The following PIK3CB variants were observed in gnomAD, a reference collection of about 807,000 sequenced individuals.
PIK3CB encodes phosphatidylinositol 4,5-bisphosphate 3-kinase catalytic subunit beta isoform.
Under a neutral mutation model 136.8 loss-of-function variants are expected in PIK3CB, and 39 were observed. The observed-to-expected ratio is 0.29, with a 90% CI of 0.22 to 0.37. PIK3CB has a LOEUF of 0.37. Among genes scored for constraint, PIK3CB ranks in the 10% least tolerant of loss-of-function variants. The pLI, the probability that PIK3CB is intolerant of heterozygous loss-of-function variation, is 1.00. For synonymous variants in PIK3CB, 428 were observed against 436.6 expected (o/e 0.98, Z 0.25); for missense variants, 868 against 1,275.4 (o/e 0.68, Z 4.87).
At chr3:138,703,750 T>G (rs1046969804) in intron 12 of PIK3CB, among the ~76,000 whole-genome samples, 4 of 152,168 alleles carry the variant, frequency 2.6e-5, no homozygotes, top group African/African-American at 9.7e-5. Context: ...TGACCCTCAA[T>G]ATCCATTCTC....
intron 1 of PIK3CB, among the ~76,000 whole-genome samples, chr3:138,834,394 G>C (rs917370343): frequency 2.6e-5 from 4 of 152,230 alleles, no homozygotes; most frequent in African/African-American, 4.8e-5. Context: ...CCTCAGGAAC[G>C]GGACCCAAAG....
chr3:138,678,061 C>A (rs1264318006), intron 19 of PIK3CB, among the ~76,000 whole-genome samples: 1 of 151,910 alleles, frequency 6.6e-6, no homozygotes, highest in Non-Finnish European at 1.5e-5. Flanking sequence ...TCGCTTGAGG[C>A]CAGGAGTTTG....
At chr3:138,721,200 T>C (rs1376672101) in intron 8 of PIK3CB, among the ~76,000 whole-genome samples, 1 of 152,124 alleles carries the variant, frequency 6.6e-6, no homozygotes, top group Non-Finnish European at 1.5e-5. Context: ...TTTGCTCTCA[T>C]TGCCCACGCT....
intron 2 of PIK3CB, among the ~76,000 whole-genome samples, chr3:138,794,027 ATC>A: frequency 6.6e-6 from 1 of 152,230 alleles, no homozygotes; most frequent in Non-Finnish European, 1.5e-5. Context: ...CAATGCCGCG[ATC>A]TCAGCTTACT....
intron 1 of PIK3CB, among the ~76,000 whole-genome samples, chr3:138,824,583 G>A (rs78430630): frequency 0.028 from 4,199 of 151,956 alleles, 201 homozygotes; most frequent in African/African-American, 0.097. Flanking sequence ...CCCACCTGAC[G>A]CTGGAGTTTG....
At chr3:138,716,834 C>T (rs1051548254) in intron 8 of PIK3CB, among the ~76,000 whole-genome samples, 1 of 121,266 alleles carries the variant, frequency 8.2e-6, no homozygotes, top group Non-Finnish European at 1.6e-5. Context: ...AGGCGGGTTG[C>T]AGTGAGCCAA....
intron 1 of PIK3CB, among the ~76,000 whole-genome samples, chr3:138,813,178 C>T (rs372070562): frequency 4.6e-5 from 7 of 152,002 alleles, no homozygotes; most frequent in East Asian, 3.9e-4. Context: ...TTAGGAGGGG[C>T]TACAATTCTA....
chr3:138,823,400 C>T (rs576262121), intron 1 of PIK3CB, among the ~76,000 whole-genome samples: 1 of 151,276 alleles, frequency 6.6e-6, no homozygotes, highest in East Asian at 1.9e-4. Flanking sequence ...AGTAGACTGG[C>T]TACAGAAAAA....
chr3:138,831,281 A>AAAATAAAATAAAATT (rs763253552), intron 1 of PIK3CB, among the ~76,000 whole-genome samples: 1,966 of 148,302 alleles, frequency 0.013, 17 homozygotes, highest in Middle Eastern at 0.028. Context: ...AAAATAAAAT[A>AAAATAAAATAAAATT]AAATTAAATT....
chr3:138,776,698 AAAACAAACAAAC>A (rs373365770), intron 2 of PIK3CB, among the ~76,000 whole-genome samples: 1 of 151,570 alleles, frequency 6.6e-6, no homozygotes, highest in Admixed American at 6.6e-5. Context: ...CCTGTCTCAA[AAAACAAACAAAC>A]AAACAAACAA....
At chr3:138,680,940 G>A (rs778623051) in intron 19 of PIK3CB, among the ~76,000 whole-genome samples, 15 of 151,910 alleles carry the variant, frequency 9.9e-5, no homozygotes, top group East Asian at 3.9e-4. Context: ...CACCTGCCTC[G>A]GCCTCCCAAA....
At chr3:138,659,861 CTCT>C (rs1359180021) in intron 21 of PIK3CB, among the ~76,000 whole-genome samples, 2 of 136,278 alleles carry the variant, frequency 1.5e-5, no homozygotes, top group Non-Finnish European at 3.1e-5. Flanking sequence ...CCCTTCTTTC[CTCT>C]TCTTTTTTTT....
chr3:138,810,341 TATA>T (rs1932965059), intron 1 of PIK3CB, among the ~76,000 whole-genome samples: 1 of 151,880 alleles, frequency 6.6e-6, no homozygotes, highest in African/African-American at 2.4e-5. Context: ...TTCCAAAAAG[TATA>T]ATATGAAAAG....
chr3:138,753,286 C>T (rs1398233160), intron 4 of PIK3CB, among the ~76,000 whole-genome samples: 4 of 151,618 alleles, frequency 2.6e-5, no homozygotes, highest in African/African-American at 9.7e-5. Flanking sequence ...TTTGGGAGGC[C>T]GAGGCAGGCG....
At chr3:138,673,695 G>A (rs146606401) in intron 19 of PIK3CB, among the ~76,000 whole-genome samples, 66 of 151,640 alleles carry the variant, frequency 4.4e-4, no homozygotes, top group Middle Eastern at 6.8e-3. Flanking sequence ...ACACACACAC[G>A]TACACACACA....
chr3:138,699,547 A>C (rs543752724), intron 12 of PIK3CB, among the ~76,000 whole-genome samples: 60 of 152,290 alleles, frequency 3.9e-4, no homozygotes, highest in African/African-American at 1.4e-3. Flanking sequence ...AGACAGTTAT[A>C]AGACTAGAAG....
At chr3:138,700,745 A>G (rs1253217937) in intron 12 of PIK3CB, among the ~76,000 whole-genome samples, 1 of 151,278 alleles carries the variant, frequency 6.6e-6, no homozygotes, top group African/African-American at 2.4e-5. Flanking sequence ...ATAGATAGAT[A>G]GAGATAGAGT....
chr3:138,832,166 C>T (rs914263087), intron 1 of PIK3CB, among the ~76,000 whole-genome samples: 2 of 152,174 alleles, frequency 1.3e-5, no homozygotes, highest in Non-Finnish European at 2.9e-5. Context: ...AGTTGGCTGA[C>T]ATTCACAAAG....
intron 1 of PIK3CB, among the ~76,000 whole-genome samples, chr3:138,824,176 C>T (rs1226693720): frequency 1.3e-5 from 2 of 152,132 alleles, no homozygotes. Flanking sequence ...CTTTGGATTA[C>T]CCATGGATTT....
Sources: gnomAD v4.1 joint callset for allele counts (sites outside exome capture counted in the v4.1 genomes callset) on GRCh38, gnomAD v4.1.1 for gene constraint, MANE v1.5 for transcripts, NCBI Gene and HGNC (gene_info 2026-07-23, HGNC 2026-07-21) for gene names.